The following SEMA3C variants were observed in gnomAD, a reference collection of about 807,000 sequenced individuals.
SEMA3C encodes semaphorin 3C, also known as semaphorin-3C.
A neutral mutation model predicts 89.4 loss-of-function variants in SEMA3C; 47 were observed. That is an observed-to-expected ratio of 0.53 (90% confidence interval 0.42 to 0.67). The LOEUF (loss-of-function observed/expected upper bound fraction) is 0.67, where lower values mean the gene tolerates loss of function less well. Among genes scored for constraint, SEMA3C ranks in the 30% least tolerant of loss-of-function variants. SEMA3C has a pLI of 0.00. For missense variants in SEMA3C, 839 were observed against 929.1 expected, an observed-to-expected ratio of 0.90 and a Z score of 1.26; for synonymous variants, 310 against 320.2, an observed-to-expected ratio of 0.97 and a Z score of 0.34.
At chr7:80,761,732 A>G (rs763780384) in intron 13 of SEMA3C, 75 bp from the exon 14 acceptor site, 1 of 803,192 alleles carries the variant, frequency 1.2e-6, no homozygotes, top group Non-Finnish European at 2.0e-6. Context: ...TTTTTTTTCT[A>G]TTAAATCTCA....
intron 2 of SEMA3C, among the ~76,000 whole-genome samples, chr7:80,868,175 G>A (rs1406444570): frequency 6.6e-6 from 1 of 152,146 alleles, no homozygotes; most frequent in African/African-American, 2.4e-5. Flanking sequence ...TCTCTCCCAG[G>A]AAGACAAAAA....
At chr7:80,920,714 G>A (rs1020600126), upstream of SEMA3C, among the ~76,000 whole-genome samples, 4 of 152,290 alleles carry the variant, frequency 2.6e-5, no homozygotes, top group East Asian at 5.8e-4. Flanking sequence ...GTGATGATGC[G>A]TGAGAAGATC....
At chr7:80,766,453 G>T (rs1161909464) in intron 12 of SEMA3C, among the ~76,000 whole-genome samples, 1 of 152,118 alleles carries the variant, frequency 6.6e-6, no homozygotes, top group Non-Finnish European at 1.5e-5. Context: ...CCGGGTAAAT[G>T]ACTTTGTAAC....
intron 12 of SEMA3C, among the ~76,000 whole-genome samples, chr7:80,767,205 G>A (rs1788324906): frequency 6.6e-6 from 1 of 152,174 alleles, no homozygotes; most frequent in African/African-American, 2.4e-5. Flanking sequence ...TGAGGAGGCA[G>A]GAACTTAGGT....
At chr7:80,747,575 T>C (rs1311597152) in intron 17 of SEMA3C, among the ~76,000 whole-genome samples, 1 of 152,192 alleles carries the variant, frequency 6.6e-6, no homozygotes, top group Non-Finnish European at 1.5e-5. Flanking sequence ...TGACTTCTAA[T>C]GCAGCTTGCT....
intron 17 of SEMA3C, among the ~76,000 whole-genome samples, chr7:80,747,397 A>C (rs1787826821): frequency 6.6e-6 from 1 of 152,090 alleles, no homozygotes; most frequent in African/African-American, 2.4e-5. Flanking sequence ...TATTCTATTG[A>C]ACTTTCTACT....
At chr7:80,799,315 A>G (rs1410285648) in intron 10 of SEMA3C, among the ~76,000 whole-genome samples, 1 of 152,108 alleles carries the variant, frequency 6.6e-6, no homozygotes, top group Non-Finnish European at 1.5e-5. Flanking sequence ...AAACCTTTAG[A>G]TTTTTGCTTT....
chr7:80,797,558 C>G (rs1789093699), intron 11 of SEMA3C, among the ~76,000 whole-genome samples: 1 of 152,168 alleles, frequency 6.6e-6, no homozygotes, highest in African/African-American at 2.4e-5. Context: ...AATTACATCT[C>G]ATTTGTTGTA....
chr7:80,839,407 A>G (rs555219082), intron 2 of SEMA3C, among the ~76,000 whole-genome samples: 1 of 152,272 alleles, frequency 6.6e-6, no homozygotes, highest in African/African-American at 2.4e-5. Flanking sequence ...TAACAAAACA[A>G]AAGCAGATAC....
chr7:80,758,476 CATACAACTGTTGCT>C lies in SEMA3C; in HGVS notation c.1486-2_1497del. 2.5e-6 allele frequency: 4 copies of C among 1,613,652 alleles called. No homozygotes were observed. The highest frequency in any genetic ancestry group is 3.4e-6 in the Non-Finnish European group (4 of 1,179,702). On this transcript the variant is annotated splice_acceptor_variant and coding_sequence_variant, in exon 15 of 18. Coordinates refer to ENST00000265361, the MANE Select transcript of SEMA3C (RefSeq NM_006379.5). LOFTEE classifies it high-confidence loss of function. ...TGGGAAACCCCTTCATTGGAACTCA[CATACAACTGTTGCT>C]ATTAAAGGAATGATGATGATTTATT...
intron 12 of SEMA3C, among the ~76,000 whole-genome samples, chr7:80,780,104 A>G (rs1788658631): frequency 6.6e-6 from 1 of 152,234 alleles, no homozygotes; most frequent in Admixed American, 6.5e-5. Context: ...CTCTAAGATA[A>G]TAAATGTATG....
chr7:80,883,077 T>C (rs563893037), intron 2 of SEMA3C, among the ~76,000 whole-genome samples: 1 of 152,190 alleles, frequency 6.6e-6, no homozygotes, highest in Non-Finnish European at 1.5e-5. Flanking sequence ...TTGCTTTGAA[T>C]GACTTCTTTC....
At chr7:80,830,971 G>A (rs943415166) in intron 2 of SEMA3C, among the ~76,000 whole-genome samples, 1 of 152,188 alleles carries the variant, frequency 6.6e-6, no homozygotes, top group Non-Finnish European at 1.5e-5. Context: ...ATCACTCAAA[G>A]GTTGGAGAGG....
chr7:80,787,997 A>G (rs1470304463), intron 12 of SEMA3C, among the ~76,000 whole-genome samples: 1 of 152,208 alleles, frequency 6.6e-6, no homozygotes, highest in Non-Finnish European at 1.5e-5. Context: ...CAGACCATAA[A>G]GCTGAAATTA....
At chr7:80,762,847 G>T (rs2117055649) in intron 13 of SEMA3C, among the ~76,000 whole-genome samples, 1 of 152,298 alleles carries the variant, frequency 6.6e-6, no homozygotes, top group South Asian at 2.1e-4. Context: ...TTCTGGTAAA[G>T]TGATTAAGAT....
chr7:80,886,510 T>C (rs1343331631), intron 2 of SEMA3C, among the ~76,000 whole-genome samples: 1 of 151,924 alleles, frequency 6.6e-6, no homozygotes. Context: ...CGCACCACCA[T>C]ACCCAGCTAA....
intron 5 of SEMA3C, among the ~76,000 whole-genome samples, chr7:80,815,200 C>A (rs1166698544): frequency 6.6e-6 from 1 of 151,976 alleles, no homozygotes; most frequent in African/African-American, 2.4e-5. Context: ...GTAGGCATAG[C>A]AAAGTGTCCT....
At chr7:80,760,967 G>T (rs1027402035) in intron 14 of SEMA3C, among the ~76,000 whole-genome samples, 2 of 152,048 alleles carry the variant, frequency 1.3e-5, no homozygotes, top group East Asian at 3.9e-4. Context: ...GAGGTACATG[G>T]TTTGCTCATG....
chr7:80,843,736 T>G (rs1353032741), intron 2 of SEMA3C, among the ~76,000 whole-genome samples: 1 of 152,196 alleles, frequency 6.6e-6, no homozygotes, highest in Non-Finnish European at 1.5e-5. Flanking sequence ...AATAAAAATC[T>G]ATTGAATTAA....
Sources: gnomAD v4.1 joint callset for allele counts (sites outside exome capture counted in the v4.1 genomes callset) on GRCh38, gnomAD v4.1.1 for gene constraint, MANE v1.5 for transcripts, NCBI Gene and HGNC (gene_info 2026-07-23, HGNC 2026-07-21) for gene names.